PTPRK: variants seen among roughly 807,000 people sequenced by gnomAD.
PTPRK encodes receptor-type tyrosine-protein phosphatase kappa.
A neutral mutation model predicts 178.0 loss-of-function variants in PTPRK; 75 were observed. That is an observed-to-expected ratio of 0.42 (90% CI 0.35 to 0.51). The LOEUF (loss-of-function observed/expected upper bound fraction) is 0.51. Ranked by LOEUF, PTPRK falls within the 20% of genes least tolerant of loss-of-function variation. The probability of loss-of-function intolerance (pLI) is 0.02; values close to 1 mark genes in which losing one functional copy is unlikely to be tolerated. For missense variants in PTPRK, 1,441 were observed against 1,797.8 expected (o/e 0.80, Z 3.59); for synonymous variants, 637 against 620.6 (o/e 1.03, Z -0.39).
intron 7 of PTPRK, among the ~76,000 whole-genome samples, chr6:128,139,849 TAAC>T (rs1401785369): frequency 6.6e-6 from 1 of 151,302 alleles, no homozygotes; most frequent in Admixed American, 6.6e-5. Flanking sequence ...ATTCTATACT[TAAC>T]AGTGCCAAGG....
chr6:128,323,824 T>C (rs2128322028), intron 2 of PTPRK, among the ~76,000 whole-genome samples: 1 of 152,246 alleles, frequency 6.6e-6, no homozygotes, highest in East Asian at 1.9e-4. Context: ...TCTTGTAAGC[T>C]AGGATTCTTT....
intron 6 of PTPRK, among the ~76,000 whole-genome samples, chr6:128,199,785 A>C (rs1195507687): frequency 6.6e-6 from 1 of 152,154 alleles, no homozygotes; most frequent in Admixed American, 6.5e-5. Flanking sequence ...AAATTCCTAA[A>C]TCAATCACAA....
chr6:128,273,030 TA>T (rs1820117647), intron 3 of PTPRK, among the ~76,000 whole-genome samples: 2 of 152,136 alleles, frequency 1.3e-5, no homozygotes, highest in African/African-American at 4.8e-5. Context: ...TATGCAGCTA[TA>T]AAAAAGGATG....
chr6:128,271,119 A>C (rs781161061), intron 3 of PTPRK, among the ~76,000 whole-genome samples: 5 of 152,100 alleles, frequency 3.3e-5, no homozygotes, highest in Non-Finnish European at 5.9e-5. Flanking sequence ...AGGGAGGGGG[A>C]TAGAGGCTGC....
chr6:128,441,315 G>A (rs1009765546), intron 1 of PTPRK, among the ~76,000 whole-genome samples: 22 of 152,020 alleles, frequency 1.4e-4, no homozygotes, highest in Non-Finnish European at 5.9e-5. Context: ...GTCTGTAAAC[G>A]GTGCTATTTG....
intron 6 of PTPRK, among the ~76,000 whole-genome samples, chr6:128,193,471 CTT>C (rs1491118459): frequency 6.8e-6 from 1 of 146,628 alleles, no homozygotes; most frequent in Non-Finnish European, 1.5e-5. Context: ...TGTACTAATA[CTT>C]GTGTGTGTGT....
chr6:128,404,175 G>T (rs149381967), intron 1 of PTPRK, among the ~76,000 whole-genome samples: 78 of 152,244 alleles, frequency 5.1e-4, no homozygotes, highest in African/African-American at 1.8e-3. Context: ...GAGGAGTAGC[G>T]GTGAGCCACA....
At chr6:128,314,113 G>T (rs901240848) in intron 3 of PTPRK, among the ~76,000 whole-genome samples, 1 of 152,200 alleles carries the variant, frequency 6.6e-6, no homozygotes, top group South Asian at 2.1e-4. Context: ...TGCCTAGTTC[G>T]TTTTTGTCAT....
At chr6:128,308,124 A>T (rs1419536574) in intron 3 of PTPRK, among the ~76,000 whole-genome samples, 1 of 150,860 alleles carries the variant, frequency 6.6e-6, no homozygotes, top group East Asian at 1.9e-4. Context: ...AAACCTGGAT[A>T]TTGACTGGGA....
chr6:127,971,414 A>C (rs896562748), intron 29 of PTPRK, among the ~76,000 whole-genome samples: 2 of 152,230 alleles, frequency 1.3e-5, no homozygotes, highest in African/African-American at 4.8e-5. Context: ...AGAGGTCTTT[A>C]TCATTCCAAC....
chr6:128,458,996 A>G (rs985334108), intron 1 of PTPRK, among the ~76,000 whole-genome samples: 2 of 152,276 alleles, frequency 1.3e-5, no homozygotes, highest in Middle Eastern at 3.4e-3. Context: ...ATATACACTT[A>G]AAAAGCCATC....
In PTPRK at chr6:128,271,606, G is replaced by A. The variant is rs187095940; in HGVS notation, c.496-29004C>T. Reference sequence around the variant, plus strand: ...GATCAGGTGCAAATCCCTACTGGCAGCCTGGCCTAAGCTCAGAAGACCCCC... The same window carrying A: ...GATCAGGTGCAAATCCCTACTGGCAACCTGGCCTAAGCTCAGAAGACCCCC... On this transcript the variant is annotated intron_variant, in intron 3 of 29. Coordinates refer to ENST00000368226, the MANE Select transcript of PTPRK (RefSeq NM_002844.4). Among the ~76,000 whole-genome samples the A allele has an allele frequency of 3.9e-5, 6 of 152,250 alleles. No homozygotes were observed. The East Asian group carries it at 1.2e-3, about 30-fold the overall frequency.
chr6:128,035,138 G>A (rs9491905), intron 13 of PTPRK, among the ~76,000 whole-genome samples: 36,912 of 152,040 alleles, frequency 0.24, 6,332 homozygotes, highest in African/African-American at 0.49. Context: ...AGGCCGAGGC[G>A]GGCAGATCAC....
rs13202934 is a variant in PTPRK, at chr6:128,278,395, A to G, written c.496-35793T>C. Reference sequence around the variant, plus strand: ...CTGGTCTTGAAATCCCGACTTTGTGATCTGCCCACCTTGGCCTCCCAAAGT... The same window carrying G: ...CTGGTCTTGAAATCCCGACTTTGTGGTCTGCCCACCTTGGCCTCCCAAAGT... On this transcript the variant is annotated intron_variant, in intron 3 of 29. Coordinates refer to ENST00000368226, the MANE Select transcript of PTPRK (RefSeq NM_002844.4). Among the ~76,000 whole-genome samples the G allele has an allele frequency of 2.1e-3, 320 of 152,174 alleles. 1 individual carries two copies. The highest frequency in any genetic ancestry group is 3.8e-3 in the Non-Finnish European group (258 of 67,996).
intron 10 of PTPRK, among the ~76,000 whole-genome samples, chr6:128,079,182 T>A (rs1389669115): frequency 6.6e-6 from 1 of 152,060 alleles, no homozygotes; most frequent in Non-Finnish European, 1.5e-5. Flanking sequence ...TTTGTGAAGA[T>A]GCTTTCCTTT....
chr6:128,411,034 G>A (rs1376610243), intron 1 of PTPRK, among the ~76,000 whole-genome samples: 5 of 152,282 alleles, frequency 3.3e-5, no homozygotes, highest in Admixed American at 6.5e-5. Flanking sequence ...TGGGACTATA[G>A]GTGCATGCCA....
intron 1 of PTPRK, among the ~76,000 whole-genome samples, chr6:128,439,475 A>G (rs1204746075): frequency 6.6e-6 from 1 of 152,220 alleles, no homozygotes; most frequent in Non-Finnish European, 1.5e-5. Flanking sequence ...AAGCATGAAA[A>G]AATTACAGTA....
intron 2 of PTPRK, among the ~76,000 whole-genome samples, chr6:128,359,549 C>T (rs949542844): frequency 6.6e-6 from 1 of 151,742 alleles, no homozygotes; most frequent in East Asian, 1.9e-4. Flanking sequence ...GTCAGGAGCC[C>T]GGGGCCAGCC....
chr6:128,416,002 A>G (rs1842809198), intron 1 of PTPRK, among the ~76,000 whole-genome samples: 1 of 152,204 alleles, frequency 6.6e-6, no homozygotes, highest in South Asian at 2.1e-4. Context: ...ATTTAATTCA[A>G]TAAACATGTA....
Sources: gnomAD v4.1 joint callset for allele counts (sites outside exome capture counted in the v4.1 genomes callset) on GRCh38, gnomAD v4.1.1 for gene constraint, MANE v1.5 for transcripts, NCBI Gene and HGNC (gene_info 2026-07-23, HGNC 2026-07-21) for gene names.